RIC1: variants seen among roughly 807,000 people sequenced by gnomAD.
RIC1 encodes the protein guanine nucleotide exchange factor subunit RIC1.
Under a neutral mutation model 169.0 loss-of-function variants are expected in RIC1, and 88 were observed. The ratio of observed to expected loss-of-function variants is 0.52; its 90% confidence interval spans 0.44 to 0.62. The LOEUF is 0.62. Among genes scored for constraint, RIC1 ranks in the 20% least tolerant of loss-of-function variants. The pLI is 0.00. For synonymous variants in RIC1, 790 were observed against 601.5 expected (o/e 1.31, Z -4.59); for missense variants, 1,877 against 1,725.5 (o/e 1.09, Z -1.56).
intron 2 of RIC1, among the ~76,000 whole-genome samples, chr9:5,667,806 A>T (rs1456301650): frequency 2.6e-5 from 4 of 152,198 alleles, no homozygotes; most frequent in Admixed American, 2.6e-4. Flanking sequence ...ACTGGGCCTG[A>T]GATGTGCCTT....
intron 21 of RIC1, among the ~76,000 whole-genome samples, chr9:5,767,029 T>C (rs1476274689): frequency 6.6e-6 from 1 of 152,236 alleles, no homozygotes; most frequent in Non-Finnish European, 1.5e-5. Flanking sequence ...ATGGTCATTC[T>C]TGCAGGAGTA....
chr9:5,678,063 G>A (rs1820565662), intron 2 of RIC1, among the ~76,000 whole-genome samples: 1 of 145,578 alleles, frequency 6.9e-6, no homozygotes, highest in African/African-American at 2.6e-5. Context: ...TGTTCTCATT[G>A]TTCAATTCCC....
At position 5,722,256 on chromosome 9, in the gene RIC1, AT is replaced by A. The variant is rs771921878; in HGVS notation, c.720+1525del. ...ACAAAACAATTTAATGGAGGAAGAG[AT>A]TTTTTTTTTTTTTTTTTTACCCCGA... is the stretch of plus-strand genomic sequence containing the variant. On this transcript the variant is annotated intron_variant, in intron 6 of 25. Coordinates refer to ENST00000414202, the MANE Select transcript of RIC1 (RefSeq NM_020829.4). Among the ~76,000 whole-genome samples the A allele has an allele frequency of 7.8e-3, 768 of 98,544 alleles. 2 individuals are homozygous for A. The highest frequency in any genetic ancestry group is 0.013 in the South Asian group (42 of 3,246). 64.6% of individuals were successfully genotyped at this position (98,544 alleles called of 152,430 possible). A position where few individuals can be genotyped will look rare whatever the true frequency, so the allele number is the denominator to read the frequency against.
chr9:5,639,204 C>A (rs146047734), intron 1 of RIC1, among the ~76,000 whole-genome samples: 26 of 152,272 alleles, frequency 1.7e-4, no homozygotes, highest in African/African-American at 6.3e-4. Context: ...TATACCCGGC[C>A]ATTTTTCTTC....
intron 6 of RIC1, among the ~76,000 whole-genome samples, chr9:5,730,181 A>T (rs562020956): frequency 6.6e-6 from 1 of 152,344 alleles, no homozygotes; most frequent in South Asian, 2.1e-4. Flanking sequence ...AAATGTGATT[A>T]TGTCAGTCCT....
chr9:5,769,602 T>G (rs1051962842), intron 22 of RIC1: 1 of 533,970 alleles, frequency 1.9e-6, no homozygotes, highest in Non-Finnish European at 3.0e-6. Context: ...CAAAGTAAGC[T>G]GACAGAACTC....
At chr9:5,692,485 T>A (rs772331453) in intron 3 of RIC1, among the ~76,000 whole-genome samples, 2 of 152,100 alleles carry the variant, frequency 1.3e-5, no homozygotes, top group African/African-American at 4.8e-5. Context: ...TATATACATA[T>A]ATATCTACTT....
chr9:5,725,994 A>G (rs1447415365), intron 6 of RIC1, among the ~76,000 whole-genome samples: 8 of 152,150 alleles, frequency 5.3e-5, no homozygotes, highest in Non-Finnish European at 8.8e-5. Context: ...ATTTTGGAAT[A>G]AGTGTGATGT....
intron 4 of RIC1, among the ~76,000 whole-genome samples, chr9:5,718,566 T>C (rs1013582405): frequency 1.3e-5 from 2 of 152,212 alleles, no homozygotes; most frequent in Non-Finnish European, 2.9e-5. Flanking sequence ...GGCCCCATAA[T>C]TACATTTCTT....
intron 1 of RIC1, among the ~76,000 whole-genome samples, chr9:5,646,418 A>T (rs1048020586): frequency 2.6e-5 from 4 of 152,144 alleles, no homozygotes; most frequent in Admixed American, 2.6e-4. Context: ...ATAAAATTCT[A>T]ATGGAGCTGA....
chr9:5,770,121 C>G lies in RIC1; in HGVS notation c.3459C>G (p.Asp1153Glu). 2.5e-6 allele frequency: 4 copies of G among 1,613,386 alleles called. No individual in the cohort carries two copies. The highest frequency in any genetic ancestry group is 3.4e-6 in the Non-Finnish European group (4 of 1,179,698). ...AGCTGTTAAAGTCTCAATCAGCTGA[C>G]CCATTTTTGAACCTTGAGATGGATG... Reference protein sequence around the residue: ...GEQLLKSQSADPFLNLEMDAG... With the variant: ...GEQLLKSQSAEPFLNLEMDAG... Residue 1153 changes from aspartate (D) to glutamate (E), a missense_variant, in exon 23 of 26, where the codon GAC becomes GAG. By Grantham distance (45) the Asp-to-Glu change is conservative. Around this residue, in one of 3 missense-constraint regions of RIC1, gnomAD observed 681 missense variants for 582.0 expected, o/e 1.17. Coordinates refer to ENST00000414202, the MANE Select transcript of RIC1 (RefSeq NM_020829.4).
intron 3 of RIC1, among the ~76,000 whole-genome samples, chr9:5,702,491 T>C (rs1822283957): frequency 2.0e-5 from 3 of 151,224 alleles, no homozygotes; most frequent in Non-Finnish European, 2.9e-5. Flanking sequence ...TGCTACACAC[T>C]TACACACTTT....
rs2131097753 is a variant in RIC1 at position 5,763,342 on chromosome 9, T to G, written c.2315T>G (p.Phe772Cys). The stretch of plus-strand genomic sequence containing the variant: ...TTGTCCCAGCGGATCATGCTGCCTT[T>G]CCACATCAACATTTACCCGCTAGCT... ...SFLSQRIMLP[F>C]HINIYPLAVL... Residue 772 changes from phenylalanine to cysteine, a missense_variant, in exon 19 of 26, where the codon TTC becomes TGC. Transcript: ENST00000414202. This position sits in a 1 kb window ranked among gnomAD's most constrained non-coding sequence, Gnocchi z 5.2. The G allele has an allele frequency of 6.2e-7, 1 of 1,614,194 alleles. No individual in the cohort carries two copies. Among genetic ancestry groups the G allele is most frequent in the Non-Finnish European group, 8.5e-7 (1 of 1,180,028 alleles).
intron 17 of RIC1, among the ~76,000 whole-genome samples, chr9:5,761,046 A>C (rs1413695601): frequency 7.3e-6 from 1 of 137,106 alleles, no homozygotes. Flanking sequence ...TGCTCTTTTT[A>C]CCCTGGCTAG....
At chr9:5,755,954 AGC>A (rs1825984497) in intron 15 of RIC1, among the ~76,000 whole-genome samples, 2 of 151,720 alleles carry the variant, frequency 1.3e-5, no homozygotes, top group Non-Finnish European at 2.9e-5. Flanking sequence ...AAATAAATAA[AGC>A]AGGTCTAAAA....
chr9:5,727,366 G>A (rs573433848), intron 6 of RIC1, among the ~76,000 whole-genome samples: 28 of 152,222 alleles, frequency 1.8e-4, no homozygotes, highest in Non-Finnish European at 3.2e-4. Context: ...CATAGTTCTC[G>A]TGCGATGGTT....
At chr9:5,636,349 C>T (rs952758187) in intron 1 of RIC1, among the ~76,000 whole-genome samples, 1 of 152,022 alleles carries the variant, frequency 6.6e-6, no homozygotes, top group Non-Finnish European at 1.5e-5. Flanking sequence ...GACAAAGTCT[C>T]GCTCTTGTCA....
intron 2 of RIC1, among the ~76,000 whole-genome samples, chr9:5,679,290 T>C (rs1820658733): frequency 1.3e-5 from 2 of 152,322 alleles, no homozygotes; most frequent in Middle Eastern, 3.4e-3. Flanking sequence ...TCCAGCTTTG[T>C]TCTTTTGACT....
Position 5,765,598 on chromosome 9 carries a change from C to T in RIC1, c.3000+26C>T, listed in dbSNP as rs2296056. On this transcript the variant is annotated intron_variant, in intron 20 of 25. Coordinates refer to ENST00000414202, the MANE Select transcript of RIC1 (RefSeq NM_020829.4). ...GTTAGTTGCAAAAGTTACACATCTT[C>T]TCTAGGCCATACACCCACGTAGCAT... The T allele has an allele frequency of 5.1e-4, 827 of 1,613,986 alleles. 1 individual carries two copies. Among genetic ancestry groups the T allele is most frequent in the South Asian group, 7.8e-4 (71 of 91,040 alleles).
Sources: gnomAD v4.1 joint callset for allele counts (sites outside exome capture counted in the v4.1 genomes callset) on GRCh38, gnomAD v4.1.1 for gene constraint, gnomAD v4.1.1 regional missense constraint, Gnocchi (gnomAD v3.1) non-coding constraint, MANE v1.5 for transcripts, NCBI Gene and HGNC (gene_info 2026-07-23, HGNC 2026-07-21) for gene names.